The following IL4R variants were observed in gnomAD, a reference collection of about 807,000 sequenced individuals.
IL4R encodes interleukin 4 receptor.
IL4R carries 17 observed loss-of-function variants against 41.5 expected under a neutral mutation model. The observed-to-expected ratio is 0.41, with a 90% confidence interval of 0.28 to 0.61. The LOEUF is 0.61. Ranked by LOEUF, IL4R falls within the 20% of genes least tolerant of loss-of-function variation. IL4R has a pLI of 0.31. For synonymous variants in IL4R, 402 were observed against 422.9 expected, an observed-to-expected ratio of 0.95 and a Z score of 0.61; for missense variants, 974 against 1,043.1, an observed-to-expected ratio of 0.93 and a Z score of 0.91.
Position 27,352,623 on chromosome 16 carries a change from A to C in IL4R, c.597A>C (p.Ala199=), listed in dbSNP as rs141374895. The C allele has an allele frequency of 6.7e-5, 108 of 1,614,174 alleles. No individual in the cohort carries two copies. The African/African-American group carries it at 1.4e-3, about 21-fold the overall frequency. The change falls in exon 7 of 11, where the codon GCA becomes GCC. Residue 199 remains alanine (A), a synonymous_variant. Coordinates refer to ENST00000395762, the MANE Select transcript of IL4R (RefSeq NM_000418.4). The stretch of plus-strand genomic sequence containing the variant: ...TGAAGTCTGGGATTTCCTACAGGGC[A>C]CGGGTGAGGGCCTGGGCTCAGTGCT... ...STLKSGISYR[A]RVRAWAQCYN...
intron 10 of IL4R, 124 bp from the exon 11 acceptor site, chr16:27,362,128 C>A: frequency 1.1e-6 from 1 of 888,068 alleles, no homozygotes; most frequent in Non-Finnish European, 1.8e-6. Context: ...CTGATTATAA[C>A]GTTAGAAGGC....
At chr16:27,314,051 T>C in intron 1 of IL4R, 31 bp downstream of exon 1, 3 of 984,768 alleles carry the variant, frequency 3.0e-6, no homozygotes, top group Non-Finnish European at 3.6e-6. Flanking sequence ...GCGGATCGGG[T>C]TGCGAAGGTA....
chr16:27,360,787 T>C lies in IL4R; in HGVS notation c.871T>C (p.Ser291Pro), dbSNP rs1438720860. 1 of 1,613,964 alleles carries C rather than the reference T, an allele frequency of 6.2e-7. No individual in the cohort carries two copies. Among genetic ancestry groups the C allele is most frequent in the East Asian group, 2.2e-5 (1 of 44,888 alleles). The change falls in exon 10 of 11, where the codon TCC (serine) becomes CCC (proline). Residue 291 changes from serine (S) to proline (P), a missense_variant. This residue lies in a region of IL4R where 682 missense variants were observed against 704.3 expected (regional missense o/e 0.97). Coordinates refer to ENST00000395762, the MANE Select transcript of IL4R (RefSeq NM_000418.4). ...TTAGGGGTCACAGTGGGAGAAGCGG[T>C]CCCGAGGCCAGGAACCAGCCAAGTG... ...DAQGSQWEKR[S>P]RGQEPAKCPH...
intron 3 of IL4R, among the ~76,000 whole-genome samples, chr16:27,341,565 C>T (rs3024538): frequency 0.019 from 2,878 of 152,184 alleles, 83 homozygotes; most frequent in African/African-American, 0.065. Context: ...GCTAGGAGGG[C>T]GCTGAAAGGA....
Position 27,363,564 on chromosome 16 carries a change from G to C in IL4R, c.2212G>C (p.Val738Leu). 6.2e-7 allele frequency: 1 copy of C among 1,614,170 alleles called. No individual in the cohort carries two copies. Among genetic ancestry groups the C allele is most frequent in the Non-Finnish European group, 8.5e-7 (1 of 1,180,032 alleles). The change falls in exon 11 of 11, where the codon GTC becomes CTC. Residue 738 changes from valine to leucine, a missense_variant. Val to Leu is a conservative substitution (Grantham distance 32). This residue lies in a region of IL4R where 682 missense variants were observed against 704.3 expected (regional missense o/e 0.97). Transcript: ENST00000395762. ...HGQEDGGQTP[V>L]MASPCCGCCC... ...CCAGGAGGATGGTGGCCAGACCCCT[G>C]TCATGGCCAGTCCTTGCTGTGGCTG...
intron 2 of IL4R, among the ~76,000 whole-genome samples, chr16:27,330,765 G>T (rs1416313485): frequency 3.3e-5 from 5 of 152,092 alleles, no homozygotes; most frequent in Admixed American, 1.3e-4. Flanking sequence ...CCATGGTTAT[G>T]TGATTTCAAG....
Position 27,342,240 on chromosome 16 carries a change from C to T in IL4R, c.190C>T (p.Leu64=). The T allele has an allele frequency of 6.2e-7, 1 of 1,614,232 alleles. No homozygotes were observed. Among genetic ancestry groups the T allele is most frequent in the South Asian group, 1.1e-5 (1 of 91,086 alleles). ...CACCGAGCTCCGCCTGTTGTACCAG[C>T]TGGTTTTTCTGCTCTCCGAGTAAGC... ...CSTELRLLYQ[L]VFLLSEAHTC... The change falls in exon 4 of 11, where the codon CTG becomes TTG. Residue 64 remains leucine, a synonymous_variant. Coordinates refer to ENST00000395762, the MANE Select transcript of IL4R (RefSeq NM_000418.4).
intron 10 of IL4R, among the ~76,000 whole-genome samples, chr16:27,361,508 A>T (rs1233345871): frequency 1.3e-5 from 2 of 151,756 alleles, no homozygotes. Flanking sequence ...TTGCCCCGCC[A>T]CTGTGGCCTC....
At chr16:27,358,004 C>T (rs2141204434) in intron 8 of IL4R, among the ~76,000 whole-genome samples, 1 of 152,248 alleles carries the variant, frequency 6.6e-6, no homozygotes, top group African/African-American at 2.4e-5. Context: ...AGCGATTCTC[C>T]TGCCTCAGCC....
At chr16:27,343,084 G>C (rs934033928) in intron 4 of IL4R, among the ~76,000 whole-genome samples, 3 of 152,218 alleles carry the variant, frequency 2.0e-5, no homozygotes, top group African/African-American at 7.2e-5. Flanking sequence ...ATAGGAGTCA[G>C]GTGGTTCCCT....
intron 2 of IL4R, among the ~76,000 whole-genome samples, chr16:27,339,738 C>G (rs2085375943): frequency 6.6e-6 from 1 of 151,938 alleles, no homozygotes; most frequent in South Asian, 2.1e-4. Flanking sequence ...ACGTGGAGGA[C>G]CTGTTGTCGG....
At chr16:27,324,465 G>T (rs2084898463) in intron 1 of IL4R, among the ~76,000 whole-genome samples, 1 of 152,180 alleles carries the variant, frequency 6.6e-6, no homozygotes, top group Non-Finnish European at 1.5e-5. Flanking sequence ...TGTGTGCCAG[G>T]CACCGTGCTA....
chr16:27,363,142 C>T lies in IL4R; in HGVS notation c.1790C>T (p.Pro597Leu), dbSNP rs770440746. ...GCCAGTGCGGTGGTGGGCTTGGGTCCCCCAGGAGAGGCTGGTTACAAGGCC... is the reference window on the plus strand; with the variant it reads ...GCCAGTGCGGTGGTGGGCTTGGGTCTCCCAGGAGAGGCTGGTTACAAGGCC... ...TQASAVVGLG[P>L]PGEAGYKAFS... Residue 597 changes from proline (P) to leucine (L), a missense_variant, in exon 11 of 11, where the codon CCC (proline) becomes CTC (leucine). By Grantham distance (98) the Pro-to-Leu change is moderately conservative. Around this residue, in one of 3 missense-constraint regions of IL4R, gnomAD observed 682 missense variants for 704.3 expected, o/e 0.97. Transcript: ENST00000395762. The T allele has an allele frequency of 1.9e-6, 3 of 1,613,476 alleles. No individual in the cohort carries two copies. The highest frequency in any genetic ancestry group is 2.2e-5 in the East Asian group (1 of 44,872).
At chr16:27,335,158 T>G (rs1420223471) in intron 2 of IL4R, among the ~76,000 whole-genome samples, 2 of 152,138 alleles carry the variant, frequency 1.3e-5, no homozygotes, top group African/African-American at 4.8e-5. Flanking sequence ...TGCTGTGCTC[T>G]TCTCAGGAAT....
chr16:27,344,046 T>C (rs1004399279), intron 4 of IL4R, among the ~76,000 whole-genome samples: 1 of 152,102 alleles, frequency 6.6e-6, no homozygotes. Flanking sequence ...GGCTCGCGGC[T>C]GTAATCCCAG....
At chr16:27,334,574 T>G (rs1312666773) in intron 2 of IL4R, among the ~76,000 whole-genome samples, 1 of 152,114 alleles carries the variant, frequency 6.6e-6, no homozygotes, top group East Asian at 1.9e-4. Flanking sequence ...GACAGGCGTC[T>G]TGGCCTCTCT....
intron 2 of IL4R, among the ~76,000 whole-genome samples, chr16:27,336,292 A>G (rs2085256598): frequency 1.3e-5 from 2 of 152,088 alleles, no homozygotes; most frequent in South Asian, 2.1e-4. Context: ...GAAAAACAGA[A>G]TGGTCGTATG....
rs575619134 is a variant in IL4R, at chr16:27,342,257, C to T, written c.207C>T (p.Ser69=). Residue 69 remains serine (S), a splice_region_variant and synonymous_variant, in exon 4 of 11, where the codon TCC becomes TCT. Transcript: ENST00000395762. The stretch of plus-strand genomic sequence containing the variant: ...TGTACCAGCTGGTTTTTCTGCTCTC[C>T]GAGTAAGCCTGCGCTGGAGCTGGAG... ...RLLYQLVFLL[S]EAHTCIPENN... is the part of the protein sequence containing the mutation. The T allele has an allele frequency of 3.8e-5, 61 of 1,614,106 alleles. No individual in the cohort carries two copies. The African/African-American group carries it at 5.6e-4, about 15-fold the overall frequency.
intron 2 of IL4R, among the ~76,000 whole-genome samples, chr16:27,331,455 G>A (rs1458581318): frequency 6.6e-6 from 1 of 152,118 alleles, no homozygotes; most frequent in African/African-American, 2.4e-5. Context: ...ATTATTAAAT[G>A]CATTCTTGTA....
Sources: allele counts gnomAD v4.1 joint callset (sites outside exome capture counted in the v4.1 genomes callset), GRCh38; gene constraint gnomAD v4.1.1; regional missense constraint gnomAD v4.1.1; transcripts MANE v1.5; gene names NCBI Gene and HGNC (gene_info 2026-07-23, HGNC 2026-07-21).